MREG: variants seen among roughly 807,000 people sequenced by gnomAD.
MREG encodes the protein melanoregulin.
A neutral mutation model predicts 28.5 loss-of-function variants in MREG; 31 were observed. The observed-to-expected ratio is 1.09, with a 90% CI of 0.82 to 1.47. The LOEUF (loss-of-function observed/expected upper bound fraction) is 1.47. MREG is among the 40% of genes most tolerant of loss of function. The pLI, the probability that MREG is intolerant of heterozygous loss-of-function variation, is 0.00. For synonymous variants in MREG, 106 were observed against 95.2 expected, an observed-to-expected ratio of 1.11 and a Z score of -0.66; for missense variants, 256 against 257.4, an observed-to-expected ratio of 0.99 and a Z score of 0.04.
At position 215,961,421 on chromosome 2, in the gene MREG, C is replaced by T. The variant is rs139810977; in HGVS notation, c.256-14308G>A. 2.4e-3 allele frequency among the ~76,000 whole-genome samples: 372 copies of T among 151,978 alleles called. 8 individuals carry two copies. Among genetic ancestry groups the T allele is most frequent in the Admixed American group, 0.018 (276 of 15,256 alleles). ...CTAGGTATCAGATTCACATGCAGGC[C>T]CCCCGCCTTTTTTGTTTTTTTTGAG... is the stretch of plus-strand genomic sequence containing the variant. On this transcript the variant is annotated intron_variant, in intron 2 of 4. Coordinates refer to ENST00000263268, the MANE Select transcript of MREG (RefSeq NM_018000.3).
chr2:215,949,557 T>C (rs1692432976), intron 2 of MREG, among the ~76,000 whole-genome samples: 2 of 147,002 alleles, frequency 1.4e-5, no homozygotes, highest in Admixed American at 1.4e-4. Context: ...CAAGACTCTG[T>C]CTCAAAAAAA....
intron 2 of MREG, among the ~76,000 whole-genome samples, chr2:215,990,417 A>C (rs1574632824): frequency 6.6e-6 from 1 of 152,162 alleles, no homozygotes; most frequent in Non-Finnish European, 1.5e-5. Flanking sequence ...GAAAGGAAAA[A>C]CCGGTACCAG....
chr2:215,971,328 G>C (rs1410446902), intron 2 of MREG, among the ~76,000 whole-genome samples: 1 of 152,118 alleles, frequency 6.6e-6, no homozygotes, highest in Non-Finnish European at 1.5e-5. Flanking sequence ...GAATAAAATA[G>C]TGACAACTGC....
intron 2 of MREG, among the ~76,000 whole-genome samples, chr2:215,960,750 C>G (rs1028289217): frequency 6.6e-6 from 1 of 152,014 alleles, no homozygotes; most frequent in Admixed American, 6.6e-5. Flanking sequence ...AGGAGAATGG[C>G]GTGAACCTGG....
intron 2 of MREG, among the ~76,000 whole-genome samples, chr2:215,953,565 A>G (rs1270491366): frequency 6.6e-6 from 1 of 152,236 alleles, no homozygotes; most frequent in East Asian, 1.9e-4. Context: ...GCACAATGTG[A>G]TATGAAGGTG....
At chr2:216,007,689 C>A (rs7585662) in intron 1 of MREG, among the ~76,000 whole-genome samples, 4 of 151,198 alleles carry the variant, frequency 2.6e-5, no homozygotes, top group Non-Finnish European at 5.9e-5. Flanking sequence ...CTTGGTCTTC[C>A]GAAGTGCTGG....
chr2:216,013,448 G>T lies in MREG; in HGVS notation c.-121C>A. 1 of 522,748 alleles carries T rather than the reference G, an allele frequency of 1.9e-6. No individual in the cohort carries two copies. Among genetic ancestry groups the T allele is most frequent in the Non-Finnish European group, 2.7e-6 (1 of 368,670 alleles). The allele number at this position is 522,748 out of a possible 1,614,324, so 32.4% of individuals were successfully genotyped here. ...GTGCGGGGACAGCGGCAGCCCGGGC[G>T]TCGCGGGCTGGTCCGCGCGCATCAC... is the stretch of plus-strand genomic sequence containing the variant. On this transcript the variant is annotated 5_prime_UTR_variant, in exon 1 of 5. Coordinates refer to ENST00000263268, the MANE Select transcript of MREG (RefSeq NM_018000.3).
intron 2 of MREG, among the ~76,000 whole-genome samples, chr2:215,984,847 T>C (rs1693525225): frequency 6.6e-6 from 1 of 152,234 alleles, no homozygotes; most frequent in African/African-American, 2.4e-5. Context: ...CCCACTGATA[T>C]GAAAATCCCT....
At chr2:215,975,360 C>A (rs1693227827) in intron 2 of MREG, among the ~76,000 whole-genome samples, 1 of 152,108 alleles carries the variant, frequency 6.6e-6, no homozygotes, top group Non-Finnish European at 1.5e-5. Context: ...CCTTTCATAA[C>A]CATAACTTTG....
chr2:216,013,295 G>A lies in MREG; in HGVS notation c.33C>T (p.Cys11=), dbSNP rs758702518. The change falls in exon 1 of 5, where the codon TGC becomes TGT. Residue 11 remains cysteine, a synonymous_variant. Coordinates refer to ENST00000263268, the MANE Select transcript of MREG (RefSeq NM_018000.3). Reference sequence around the variant, plus strand: ...CCAAGCACTCGCACCCGCAGCAGCAGCACACGGTTCTCAGCCAGTCCCTCA... The same window carrying A: ...CCAAGCACTCGCACCCGCAGCAGCAACACACGGTTCTCAGCCAGTCCCTCA... MGLRDWLRTV[C]CCCGCECLEE... 1.9e-6 allele frequency: 3 copies of A among 1,549,464 alleles called. No homozygotes were observed. The highest frequency in any genetic ancestry group is 2.6e-6 in the Non-Finnish European group (3 of 1,146,646).
chr2:216,020,917 C>T (rs1270858102), intron 1 of MREG, among the ~76,000 whole-genome samples: 5 of 152,212 alleles, frequency 3.3e-5, no homozygotes, highest in Non-Finnish European at 5.9e-5. Flanking sequence ...TCACCAACAT[C>T]TACCCCCAAA....
intron 2 of MREG, among the ~76,000 whole-genome samples, chr2:215,984,518 C>CAAAAAAAAAAA (rs375220091): frequency 6.6e-4 from 45 of 68,032 alleles, no homozygotes; most frequent in Non-Finnish European, 9.2e-4. Context: ...ACCTTGTCAC[C>CAAAAAAAAAAA]AAAAAAAAAA....
chr2:215,962,294 A>G (rs1333966427), intron 2 of MREG, among the ~76,000 whole-genome samples: 1 of 152,326 alleles, frequency 6.6e-6, no homozygotes, highest in Admixed American at 6.5e-5. Flanking sequence ...GCCACTAAGC[A>G]ATAAGATTCG....
intron 1 of MREG, among the ~76,000 whole-genome samples, chr2:216,002,190 G>C (rs1435816190): frequency 2.6e-5 from 4 of 152,186 alleles, no homozygotes; most frequent in Non-Finnish European, 4.4e-5. Flanking sequence ...CTCTCAAAAG[G>C]TAGGGTAAGA....
chr2:215,970,473 C>A (rs1174550700), intron 2 of MREG, among the ~76,000 whole-genome samples: 1 of 152,186 alleles, frequency 6.6e-6, no homozygotes, highest in Non-Finnish European at 1.5e-5. Flanking sequence ...CAAGATGAAT[C>A]AAATAAACAG....
chr2:215,967,729 T>C (rs1009212501), intron 2 of MREG, among the ~76,000 whole-genome samples: 2 of 152,174 alleles, frequency 1.3e-5, no homozygotes, highest in African/African-American at 2.4e-5. Flanking sequence ...ACATCATTAG[T>C]AGCAAAAAAG....
At chr2:215,952,325 G>A (rs550077318) in intron 2 of MREG, among the ~76,000 whole-genome samples, 4 of 151,990 alleles carry the variant, frequency 2.6e-5, no homozygotes, top group Non-Finnish European at 4.4e-5. Context: ...TTTAAGTGTC[G>A]TTACTGCACA....
At chr2:216,026,287 T>G (rs1380514230) in intron 1 of MREG, among the ~76,000 whole-genome samples, 1 of 152,234 alleles carries the variant, frequency 6.6e-6, no homozygotes, top group Non-Finnish European at 1.5e-5. Flanking sequence ...AGATGATGAT[T>G]ACACAACATT....
At chr2:215,966,372 CA>C (rs1220954680) in intron 2 of MREG, among the ~76,000 whole-genome samples, 2 of 152,130 alleles carry the variant, frequency 1.3e-5, no homozygotes, top group Non-Finnish European at 2.9e-5. Flanking sequence ...TGACCTACCC[CA>C]GTTCTTCTCA....
Sources: gnomAD v4.1 joint callset for allele counts (sites outside exome capture counted in the v4.1 genomes callset) on GRCh38, gnomAD v4.1.1 for gene constraint, MANE v1.5 for transcripts, NCBI Gene and HGNC (gene_info 2026-07-23, HGNC 2026-07-21) for gene names.